Variants in LCN12 observed in about 807,000 individuals in gnomAD.
LCN12 encodes the protein epididymal-specific lipocalin-12.
Under a neutral mutation model 23.7 loss-of-function variants are expected in LCN12, and 15 were observed. The ratio of observed to expected loss-of-function variants is 0.63; its 90% confidence interval spans 0.42 to 0.97. LCN12 has a LOEUF of 0.97. LCN12 is among the 50% of genes least tolerant of loss of function. The pLI is 0.00. For synonymous variants in LCN12, 116 were observed against 111.5 expected, an observed-to-expected ratio of 1.04 and a Z score of -0.25; for missense variants, 219 against 249.6, an observed-to-expected ratio of 0.88 and a Z score of 0.83.
At chr9:136,950,182 A>T (rs1393789152), upstream of LCN12, among the ~76,000 whole-genome samples, 1 of 152,198 alleles carries the variant, frequency 6.6e-6, no homozygotes, top group Non-Finnish European at 1.5e-5. Flanking sequence ...CGGGAGGAGC[A>T]GCACCTGCGT....
chr9:136,953,299 C>T (rs1220528854), intron 2 of LCN12, among the ~76,000 whole-genome samples: 2 of 152,048 alleles, frequency 1.3e-5, no homozygotes, highest in Non-Finnish European at 2.9e-5. Flanking sequence ...CGCGCTGGCT[C>T]ACACCTGTAA....
At chr9:136,951,622 C>T (rs1034776067), upstream of LCN12, among the ~76,000 whole-genome samples, 22 of 152,242 alleles carry the variant, frequency 1.4e-4, no homozygotes, top group Non-Finnish European at 3.1e-4. Flanking sequence ...CTTCCCAGCC[C>T]TGCCCCTCCC....
In LCN12 at chr9:136,952,394, AC is replaced by A. The variant is rs767114675; in HGVS notation, c.73del (p.Leu25CysfsTer37). 27 of 1,582,494 alleles carry A rather than the reference AC, an allele frequency of 1.7e-5. No homozygotes were observed. The highest frequency in any genetic ancestry group is 2.3e-5 in the Non-Finnish European group (27 of 1,166,382). On this transcript the variant is annotated frameshift_variant, in exon 1 of 6. Coordinates refer to ENST00000371633, the MANE Select transcript of LCN12 (RefSeq NM_178536.4). LOFTEE classifies it high-confidence loss of function. ...GAAAGTCCTGCAGGCCCAGACCCCAACCCCCCTGCCACTCCCGCCCCCGATG... is the reference window on the plus strand; with the variant it reads ...GAAAGTCCTGCAGGCCCAGACCCCAACCCCCTGCCACTCCCGCCCCCGATG... Reference protein sequence around the residue: ...LLKVLQAQTPTPLPLPPPMQS... With the variant: ...LLKVLQAQTPXPLPLPPPMQS...
chr9:136,951,551 G>A (rs1317516019), upstream of LCN12, among the ~76,000 whole-genome samples: 3 of 152,232 alleles, frequency 2.0e-5, 1 homozygote, highest in South Asian at 4.1e-4. Context: ...CTCTGTGCCT[G>A]GCCTACTAAT....
At chr9:136,950,312 C>T (rs1430578409), upstream of LCN12, among the ~76,000 whole-genome samples, 1 of 152,216 alleles carries the variant, frequency 6.6e-6, no homozygotes, top group Non-Finnish European at 1.5e-5. Context: ...TGGAGGCACA[C>T]ACAGACCCCC....
intron 1 of LCN12, 123 bp from the exon 2 acceptor site, chr9:136,952,769 C>T: frequency 8.3e-7 from 1 of 1,208,662 alleles, no homozygotes; most frequent in Non-Finnish European, 1.1e-6. Context: ...CTGGCGCCGG[C>T]CCAGCCAGGA....
intron 5 of LCN12, chr9:136,954,533 T>TCC: frequency 2.6e-6 from 1 of 377,750 alleles, no homozygotes; most frequent in Non-Finnish European, 5.0e-6. Flanking sequence ...CCGGGCCACC[T>TCC]CCCCCTGCCC....
chr9:136,955,029 C>T, intron 5 of LCN12: 1 of 1,384,698 alleles, frequency 7.2e-7, no homozygotes, highest in Non-Finnish European at 9.4e-7. Flanking sequence ...TACCCGTGCA[C>T]AGGCACACGT....
chr9:136,950,262 T>G (rs1851121021), upstream of LCN12, among the ~76,000 whole-genome samples: 1 of 151,816 alleles, frequency 6.6e-6, no homozygotes, highest in South Asian at 2.1e-4. Context: ...GCAGGGGACG[T>G]GGGGGGCACA....
At chr9:136,954,317 G>A (rs1359247775) in intron 5 of LCN12, 62 bp downstream of exon 5, 1 of 1,527,142 alleles carries the variant, frequency 6.5e-7, no homozygotes, top group Admixed American at 2.0e-5. Context: ...GAATGAGTTT[G>A]GTTGACCCTA....
At chr9:136,955,581 C>T (rs1851304176), downstream of LCN12, 1 of 589,422 alleles carries the variant, frequency 1.7e-6, no homozygotes, top group South Asian at 2.4e-5. Context: ...GCTGCAACAG[C>T]TCCTTCTCTG....
chr9:136,955,614 G>A (rs560373336), downstream of LCN12: 3 of 534,468 alleles, frequency 5.6e-6, no homozygotes, highest in East Asian at 3.1e-5. Flanking sequence ...CCCCCCAGCC[G>A]GCTGTCTCTG....
upstream of LCN12, among the ~76,000 whole-genome samples, chr9:136,951,824 C>A (rs1237688943): frequency 6.6e-6 from 1 of 152,102 alleles, no homozygotes; most frequent in Non-Finnish European, 1.5e-5. Flanking sequence ...TGTGTGGAGC[C>A]AGGCAGGGTG....
At chr9:136,954,004 G>A (rs368090322) in intron 4 of LCN12, 40 bp downstream of exon 4, 11 of 1,593,908 alleles carry the variant, frequency 6.9e-6, no homozygotes, top group African/African-American at 1.3e-5. Flanking sequence ...GTGTGGCCCT[G>A]GAGGCACCTC....
At chr9:136,954,477 GGGTCTCCTGTCCCGGGCCACCTCCTC>G in intron 5 of LCN12, 1 of 596,906 alleles carries the variant, frequency 1.7e-6, no homozygotes. Flanking sequence ...CTCCCACCCC[GGGTCTCCTGTCCCGGGCCACCTCCTC>G]CCGCCCCAGG....
rs1451245643 is a variant in LCN12 at position 136,952,412 on chromosome 9, C to A, written c.85C>A (p.Pro29Thr). 6.2e-7 allele frequency: 1 copy of A among 1,612,302 alleles called. No homozygotes were observed. The change falls in exon 1 of 6, where the codon CCC becomes ACC. Residue 29 changes from proline (P) to threonine (T), a missense_variant. Physicochemically the swap from Pro to Thr is conservative, Grantham distance 38. Coordinates refer to ENST00000371633, the MANE Select transcript of LCN12 (RefSeq NM_178536.4). Reference sequence around the variant, plus strand: ...GACCCCAACCCCCCTGCCACTCCCGCCCCCGATGCAGAGCTTCCAAGGAAA... The same window carrying A: ...GACCCCAACCCCCCTGCCACTCCCGACCCCGATGCAGAGCTTCCAAGGAAA... ...AQTPTPLPLP[P>T]PMQSFQGNQF... is the part of the protein sequence containing the mutation.
upstream of LCN12, among the ~76,000 whole-genome samples, chr9:136,950,107 G>A (rs1179404136): frequency 6.6e-6 from 1 of 152,236 alleles, no homozygotes; most frequent in African/African-American, 2.4e-5. Flanking sequence ...GCCAGGCAAA[G>A]GCACCTGCAG....
intron 5 of LCN12, chr9:136,954,584 C>A (rs1004837109): frequency 3.8e-6 from 2 of 529,968 alleles, no homozygotes; most frequent in South Asian, 1.7e-5. Context: ...CCTCCTCCCA[C>A]CCCGGGTCTC....
downstream of LCN12, among the ~76,000 whole-genome samples, chr9:136,956,442 C>T (rs1266932284): frequency 6.6e-6 from 1 of 152,234 alleles, no homozygotes; most frequent in African/African-American, 2.4e-5. Flanking sequence ...AGCAGACAGA[C>T]TGGAATTCCT....
Sources: gnomAD v4.1 joint callset for allele counts (sites outside exome capture counted in the v4.1 genomes callset) on GRCh38, gnomAD v4.1.1 for gene constraint, MANE v1.5 for transcripts, NCBI Gene and HGNC (gene_info 2026-07-23, HGNC 2026-07-21) for gene names.